Variants in TMEM235 observed in about 807,000 individuals in gnomAD.
The protein encoded by TMEM235 is transmembrane protein 235.
A neutral mutation model predicts 22.9 loss-of-function variants in TMEM235; 23 were observed. That is an observed-to-expected ratio of 1.00 (90% CI 0.72 to 1.42). The LOEUF (loss-of-function observed/expected upper bound fraction) is 1.42, where lower values mean the gene tolerates loss of function less well. TMEM235 is among the 40% of genes most tolerant of loss of function. The pLI is 0.00. For synonymous variants in TMEM235, 137 were observed against 140.5 expected (o/e 0.98, Z 0.17); for missense variants, 308 against 299.5 (o/e 1.03, Z -0.21).
chr17:78,231,970 G>A lies in TMEM235; in HGVS notation c.-54G>A, dbSNP rs979887425. ...CGGCTCCCGGCTCCGCGCGCCCCCCGCCGCCCCCGGGGCCCTGCTACCCCC... is the reference window on the plus strand; with the variant it reads ...CGGCTCCCGGCTCCGCGCGCCCCCCACCGCCCCCGGGGCCCTGCTACCCCC... On this transcript the variant is annotated 5_prime_UTR_variant, in exon 2 of 6. Coordinates refer to ENST00000421688, the Ensembl canonical transcript of TMEM235. 8 of 697,980 alleles carry A rather than the reference G, an allele frequency of 1.1e-5. No homozygotes were observed. In the African/African-American group the frequency reaches 2.0e-4, roughly 18 times the overall value. 43.2% of individuals were successfully genotyped at this position (697,980 alleles called of 1,614,324 possible).
At chr17:78,234,248 G>C (rs1345965912) in intron 3 of TMEM235, 1 of 690,636 alleles carries the variant, frequency 1.4e-6, no homozygotes, top group Non-Finnish European at 2.6e-6. Context: ...CTCCCAGCTT[G>C]GCTGGATCCT....
intron 3 of TMEM235, 55 bp downstream of exon 2, chr17:78,234,030 G>T (rs1439177086): frequency 4.2e-6 from 6 of 1,430,064 alleles, no homozygotes; most frequent in Non-Finnish European, 5.6e-6. Flanking sequence ...AGGCAAGGCA[G>T]ATCCCAGCCA....
chr17:78,234,729 G>T, exon 4 of TMEM235: 2 of 1,536,092 alleles, frequency 1.3e-6, no homozygotes, highest in African/African-American at 1.4e-5. Context: ...TCCTGCTGGG[G>T]AGTGAGTCTG....
chr17:78,234,607 G>A (rs1257593740), exon 4 of TMEM235: 3 of 1,536,120 alleles, frequency 2.0e-6, no homozygotes, highest in Non-Finnish European at 2.6e-6. Context: ...GCACCGTGCA[G>A]TCATTGTGGT....
At chr17:78,235,810 C>T (rs903481041) in intron 4 of TMEM235, among the ~76,000 whole-genome samples, 2 of 151,992 alleles carry the variant, frequency 1.3e-5, no homozygotes, top group Non-Finnish European at 1.5e-5. Context: ...ACCATGTTAG[C>T]CAGGATGGTC....
intron 3 of TMEM235, 143 bp from the exon 3 acceptor site, chr17:78,234,441 GGGGGCCACT>G: frequency 8.6e-7 from 1 of 1,166,734 alleles, no homozygotes; most frequent in Non-Finnish European, 1.2e-6. Context: ...CAGAGTCAGA[GGGGGCCACT>G]GGGAGGGTCC....
chr17:78,231,380 G>C, intron 1 of TMEM235: 1 of 1,252,262 alleles, frequency 8.0e-7, no homozygotes, highest in Non-Finnish European at 1.0e-6. Flanking sequence ...CTTGCTGGAG[G>C]GGGCATTTGT....
At chr17:78,240,094 CT>C in exon 6 of TMEM235, 1 of 1,392,938 alleles carries the variant, frequency 7.2e-7, no homozygotes, top group Non-Finnish European at 9.5e-7. Flanking sequence ...GCACAGGCTG[CT>C]GCTGCTTCCG....
At chr17:78,234,774 G>A in intron 4 of TMEM235, 44 bp downstream of exon 3, 1 of 1,534,660 alleles carries the variant, frequency 6.5e-7, no homozygotes, top group South Asian at 1.2e-5. Context: ...GATGGGAGCT[G>A]GGCCACAGGT....
At chr17:78,240,943 A>G (rs1210762594) in exon 6 of TMEM235, 1 of 152,274 alleles carries the variant, frequency 6.6e-6, no homozygotes, top group East Asian at 1.9e-4. Flanking sequence ...TAGGTAACAC[A>G]TGCCTGTCTG....
exon 4 of TMEM235, chr17:78,234,601 C>A: frequency 6.5e-7 from 1 of 1,536,188 alleles, no homozygotes; most frequent in Non-Finnish European, 8.7e-7. Flanking sequence ...AGTGCTGCAC[C>A]GTGCAGTCAT....
intron 4 of TMEM235, among the ~76,000 whole-genome samples, chr17:78,236,819 G>A (rs1002905275): frequency 1.3e-5 from 2 of 152,224 alleles, no homozygotes; most frequent in Admixed American, 1.3e-4. Flanking sequence ...TGGGTGCAGA[G>A]ATTGGGGAAA....
In TMEM235 at chr17:78,238,925, A is replaced by C; in HGVS notation, c.410-99A>C. 6.9e-7 allele frequency: 1 copy of C among 1,453,326 alleles called. No homozygotes were observed. The highest frequency in any genetic ancestry group is 9.1e-7 in the Non-Finnish European group (1 of 1,096,968). 90.0% of individuals were successfully genotyped at this position (1,453,326 alleles called of 1,614,324 possible). A position where few individuals can be genotyped will look rare whatever the true frequency, so the allele number is the denominator to read the frequency against. On this transcript the variant is annotated intron_variant, in intron 4 of 5. Coordinates refer to ENST00000421688, the Ensembl canonical transcript of TMEM235. This position sits in a 1 kb window ranked among gnomAD's most constrained non-coding sequence, Gnocchi z 4.3. ...CTGCCTGCAGCTCTGCCTGAATGCT[A>C]GCGGGGCCGGGGATGCTGAGGCCAT... is the stretch of plus-strand genomic sequence containing the variant.
exon 2 of TMEM235, chr17:78,231,828 A>G: frequency 8.3e-7 from 1 of 1,202,868 alleles, no homozygotes; most frequent in Non-Finnish European, 1.1e-6. Context: ...GCGACCGCAG[A>G]GAGGTGGGGT....
At chr17:78,239,149 G>A in exon 5 of TMEM235, 1 of 1,542,714 alleles carries the variant, frequency 6.5e-7, no homozygotes, top group Non-Finnish European at 8.7e-7. Context: ...CTGGTCCATG[G>A]CCCTGGCCTG....
chr17:78,238,629 T>C lies in TMEM235; in HGVS notation c.410-395T>C, dbSNP rs1287674905. Among the ~76,000 whole-genome samples, 3 of 148,772 alleles carry C rather than the reference T, an allele frequency of 2.0e-5. No homozygotes were observed. Among genetic ancestry groups the C allele is most frequent in the Non-Finnish European group, 4.5e-5 (3 of 67,110 alleles). On this transcript the variant is annotated intron_variant, in intron 4 of 5. Transcript: ENST00000421688. This position sits in a 1 kb window ranked among gnomAD's most constrained non-coding sequence, Gnocchi z 4.3. ...TCGTGTAGGTGTGCATGTGCATGTG[T>C]GTGCTGGGGGCCATGGAGGGTACAG... is the stretch of plus-strand genomic sequence containing the variant.
exon 6 of TMEM235, chr17:78,240,020 G>C (rs948918857): frequency 1.2e-5 from 18 of 1,519,750 alleles, no homozygotes; most frequent in Non-Finnish European, 1.6e-5. Context: ...TCTCAAGCCT[G>C]CTAGGTACTT....
chr17:78,236,541 C>A (rs551964277), intron 4 of TMEM235, among the ~76,000 whole-genome samples: 10 of 152,198 alleles, frequency 6.6e-5, no homozygotes, highest in Non-Finnish European at 1.0e-4. Context: ...TGGAGAGGGC[C>A]GAGGGCCTGG....
exon 6 of TMEM235, chr17:78,240,418 C>G: frequency 5.7e-6 from 1 of 175,220 alleles, no homozygotes; most frequent in Non-Finnish European, 1.2e-5. Context: ...GGCCCGCAGG[C>G]CCACTGCTGG....
Sources: gnomAD v4.1 joint callset for allele counts (sites outside exome capture counted in the v4.1 genomes callset) on GRCh38, gnomAD v4.1.1 for gene constraint, Gnocchi (gnomAD v3.1) non-coding constraint, MANE v1.5 for transcripts, NCBI Gene and HGNC (gene_info 2026-07-23, HGNC 2026-07-21) for gene names.